TENM1: variants seen among roughly 807,000 people sequenced by gnomAD.
TENM1 encodes the protein teneurin transmembrane protein 1, also known as teneurin-1.
TENM1 carries 35 observed loss-of-function variants against 174.8 expected under a neutral mutation model. The observed-to-expected ratio is 0.20, with a 90% CI of 0.15 to 0.27. TENM1 has a LOEUF of 0.27. TENM1 is among the 10% of genes least tolerant of loss of function. The pLI, the probability that TENM1 is intolerant of heterozygous loss-of-function variation, is 1.00. For missense variants in TENM1, 1,633 were observed against 2,130.1 expected, an observed-to-expected ratio of 0.77 and a Z score of 4.59; for synonymous variants, 781 against 798.7, an observed-to-expected ratio of 0.98 and a Z score of 0.37.
At chrX:125,165,865 A>T in the TENM1 span, among the ~76,000 whole-genome samples, 12 of 111,410 alleles carry the variant, frequency 1.1e-4, no homozygotes, top group Non-Finnish European at 9.4e-5. Context: ...CTTGCCATTA[A>T]AGAGAAAATA....
In TENM1 at chrX:124,744,072, A is replaced by C. The variant is rs753615710; in HGVS notation, c.536-6875T>G. On this transcript the variant is annotated intron_variant, in intron 3 of 31. Coordinates refer to ENST00000422452, the Ensembl canonical transcript of TENM1. ...CACTGTATTGGTTTTACATAGTACA[A>C]TCAGCCAACCTCAGGCATAATACTC... 1.6e-4 allele frequency among the ~76,000 whole-genome samples: 18 copies of C among 111,886 alleles called. No homozygotes were observed. In the South Asian group the frequency reaches 2.6e-3, roughly 16 times the overall value.
chrX:124,757,831 A>G (rs148136229), intron 3 of TENM1, among the ~76,000 whole-genome samples: 97 of 112,434 alleles, frequency 8.6e-4, no homozygotes, highest in African/African-American at 2.9e-3. Flanking sequence ...TGTATTCTTC[A>G]TAATGTAACA....
intron 25 of TENM1, among the ~76,000 whole-genome samples, chrX:124,412,713 C>A (rs1264861179): frequency 8.9e-6 from 1 of 112,544 alleles, no homozygotes; most frequent in Admixed American, 9.4e-5. Context: ...CTTCATTTGT[C>A]CTTCATTCAA....
At chrX:124,452,493 C>T (rs2061050737) in intron 23 of TENM1, among the ~76,000 whole-genome samples, 1 of 111,494 alleles carries the variant, frequency 9.0e-6, no homozygotes, top group Non-Finnish European at 1.9e-5. Flanking sequence ...ACTAGAAATA[C>T]GATTTGACCC....
At chrX:124,922,513 C>T (rs2058038265) in intron 1 of TENM1, among the ~76,000 whole-genome samples, 2 of 109,773 alleles carry the variant, frequency 1.8e-5, no homozygotes, top group African/African-American at 6.6e-5. Flanking sequence ...AAATATATAT[C>T]TATATATTCT....
Position 124,503,711 on chromosome X carries a change from C to A in TENM1, c.3302-8G>T. 1 of 1,188,526 alleles carries A rather than the reference C, an allele frequency of 8.4e-7. No individual in the cohort carries two copies. The highest frequency in any genetic ancestry group is 1.8e-5 in the African/African-American group (1 of 56,582). ...ATTCATATCCCACAGATACTGCAAA[C>A]AAAGAGTTAACAGCACATTAGAAAA... is the stretch of plus-strand genomic sequence containing the variant. On this transcript the variant is annotated splice_region_variant and splice_polypyrimidine_tract_variant and intron_variant, in intron 18 of 31. Transcript: ENST00000422452.
At chrX:124,767,026 A>T (rs1001124304) in intron 3 of TENM1, among the ~76,000 whole-genome samples, 17 of 112,086 alleles carry the variant, frequency 1.5e-4, no homozygotes, top group African/African-American at 5.2e-4. Flanking sequence ...GCTCTTCATT[A>T]TATGTAACAT....
chrX:124,587,553 G>A, intron 11 of TENM1, among the ~76,000 whole-genome samples: 1 of 111,432 alleles, frequency 9.0e-6, no homozygotes, highest in East Asian at 2.8e-4. Context: ...ATGGATTAAA[G>A]ACTTAAACGT....
At chrX:124,749,990 G>A (rs1437785304) in intron 3 of TENM1, among the ~76,000 whole-genome samples, 5 of 111,681 alleles carry the variant, frequency 4.5e-5, no homozygotes, top group Non-Finnish European at 3.8e-5. Context: ...AATTATTATT[G>A]TAATTATTTC....
At chrX:124,524,990 A>T (rs1054356166) in intron 16 of TENM1, among the ~76,000 whole-genome samples, 1 of 112,300 alleles carries the variant, frequency 8.9e-6, no homozygotes, top group African/African-American at 3.2e-5. Context: ...AATTGCCTGC[A>T]TTAAAAAAGA....
At chrX:124,593,438 G>T (rs371518382) in intron 11 of TENM1, among the ~76,000 whole-genome samples, 46 of 111,779 alleles carry the variant, frequency 4.1e-4, no homozygotes, top group African/African-American at 1.4e-3. Flanking sequence ...CTGGAGATTT[G>T]CCTTGGTGTG....
At chrX:124,738,965 T>A (rs2053740776) in intron 3 of TENM1, among the ~76,000 whole-genome samples, 1 of 112,493 alleles carries the variant, frequency 8.9e-6, no homozygotes, top group African/African-American at 3.2e-5. Context: ...TCTCTTTTCC[T>A]TCATAAGATT....
At chrX:124,578,375 C>A (rs2148206384) in intron 11 of TENM1, among the ~76,000 whole-genome samples, 1 of 111,801 alleles carries the variant, frequency 8.9e-6, no homozygotes, top group African/African-American at 3.2e-5. Flanking sequence ...TCTTCAATTT[C>A]TCTCTCTCTG....
intron 3 of TENM1, among the ~76,000 whole-genome samples, chrX:124,815,459 A>G (rs1028792330): frequency 3.4e-4 from 38 of 111,615 alleles, no homozygotes; most frequent in Non-Finnish European, 7.0e-4. Context: ...TCCAACATTG[A>G]TTTCATTATA....
chrX:125,012,162 C>A, the TENM1 span, among the ~76,000 whole-genome samples: 5 of 111,247 alleles, frequency 4.5e-5, no homozygotes, highest in Non-Finnish European at 9.4e-5. Context: ...GCTAGAGGAA[C>A]AGCACACACC....
At chrX:124,577,481 C>T (rs190571944) in intron 11 of TENM1, among the ~76,000 whole-genome samples, 1 of 111,290 alleles carries the variant, frequency 9.0e-6, no homozygotes, top group Non-Finnish European at 1.9e-5. Context: ...TATTTCAATG[C>T]ATAGTTTAGT....
At chrX:124,976,517 T>C in the TENM1 span, among the ~76,000 whole-genome samples, 3 of 112,115 alleles carry the variant, frequency 2.7e-5, no homozygotes, top group African/African-American at 9.7e-5. Flanking sequence ...CTTTAGATCC[T>C]ACAGAGCATC....
intron 4 of TENM1, among the ~76,000 whole-genome samples, chrX:124,710,149 C>T (rs777112826): frequency 5.0e-4 from 55 of 110,574 alleles, no homozygotes; most frequent in African/African-American, 1.8e-3. Flanking sequence ...GTTTTTTTCC[C>T]CTTTGACCAT....
chrX:124,495,588 C>T (rs2047180793), intron 20 of TENM1, among the ~76,000 whole-genome samples: 1 of 110,248 alleles, frequency 9.1e-6, no homozygotes, highest in Non-Finnish European at 1.9e-5. Flanking sequence ...AGTCCTTGCC[C>T]ATGCCTATGT....
Sources: allele counts gnomAD v4.1 joint callset (sites outside exome capture counted in the v4.1 genomes callset), GRCh38; gene constraint gnomAD v4.1.1; transcripts MANE v1.5; gene names NCBI Gene and HGNC (gene_info 2026-07-23, HGNC 2026-07-21).